ERCC2: variants seen among roughly 807,000 people sequenced by gnomAD.
The protein encoded by ERCC2 is general transcription and DNA repair factor IIH helicase subunit XPD.
In ERCC2, 90 loss-of-function variants were observed where a neutral mutation model predicts 99.4. That is an observed-to-expected ratio of 0.91 (90% CI 0.76 to 1.08). The LOEUF is 1.08. ERCC2 is among the 50% of genes least tolerant of loss of function. The pLI, the probability that ERCC2 is intolerant of heterozygous loss-of-function variation, is 0.00. For synonymous variants in ERCC2, 497 were observed against 432.4 expected, an observed-to-expected ratio of 1.15 and a Z score of -1.85; for missense variants, 993 against 1,038.1, an observed-to-expected ratio of 0.96 and a Z score of 0.60.
chr19:45,357,897 C>G, intron 12 of ERCC2, 198 bp from the exon 13 acceptor site: 1 of 631,684 alleles, frequency 1.6e-6, no homozygotes, highest in Non-Finnish European at 2.9e-6. Flanking sequence ...CTGTCCGCTT[C>G]GGGCCCACAC....
Position 45,353,345 on chromosome 19 carries a change from A to C in ERCC2, c.1666-11T>G. The C allele has an allele frequency of 6.2e-7, 1 of 1,605,926 alleles. No homozygotes were observed. Among genetic ancestry groups the C allele is most frequent in the East Asian group, 2.2e-5 (1 of 44,754 alleles). ...GTTCTCAAGGATCCCCTGGGGAAGGACCCAGGGAGGTCAGGGTGGGTTCAG... is the reference window on the plus strand; with the variant it reads ...GTTCTCAAGGATCCCCTGGGGAAGGCCCCAGGGAGGTCAGGGTGGGTTCAG... On this transcript the variant is annotated splice_polypyrimidine_tract_variant and intron_variant, in intron 17 of 22. Coordinates refer to ENST00000391945, the MANE Select transcript of ERCC2 (RefSeq NM_000400.4).
intron 7 of ERCC2, 129 bp from the exon 8 acceptor site, chr19:45,364,676 C>G (rs1209365271): frequency 2.2e-5 from 32 of 1,434,872 alleles, no homozygotes; most frequent in Non-Finnish European, 3.0e-5. Context: ...GAAGTATGAG[C>G]AGATGGATAG....
chr19:45,369,028 C>A, intron 3 of ERCC2, 36 bp from the exon 4 acceptor site: 1 of 1,614,084 alleles, frequency 6.2e-7, no homozygotes, highest in Non-Finnish European at 8.5e-7. Flanking sequence ...CCTGTCCCGC[C>A]CCTTCCTTTG....
At chr19:45,352,445 G>C in intron 21 of ERCC2, 61 bp downstream of exon 21, 2 of 1,613,922 alleles carry the variant, frequency 1.2e-6, no homozygotes, top group Non-Finnish European at 1.7e-6. Flanking sequence ...GGAAATGAAC[G>C]GGAAACAGCC....
Position 45,351,073 on chromosome 19 carries a change from TGAGGCA to T in ERCC2, c.*550_*555del. The T allele has an allele frequency of 6.2e-7, 1 of 1,613,502 alleles. No homozygotes were observed. The highest frequency in any genetic ancestry group is 8.5e-7 in the Non-Finnish European group (1 of 1,179,744). On this transcript the variant is annotated 3_prime_UTR_variant, in exon 23 of 23. Coordinates refer to ENST00000391945, the MANE Select transcript of ERCC2 (RefSeq NM_000400.4). ...GAGGCCATGTGGGTAGGTGCAGAGA[TGAGGCA>T]AAGGCAGGGCGGTCGGGCCAGTGGT...
chr19:45,365,814 T>C (rs1972407806), intron 5 of ERCC2, among the ~76,000 whole-genome samples: 1 of 151,616 alleles, frequency 6.6e-6, no homozygotes, highest in Non-Finnish European at 1.5e-5. Context: ...GTAGCAAAAT[T>C]GTTACATTCT....
At position 45,350,425 on chromosome 19, in the gene ERCC2, CCT is replaced by C. The variant is rs780855888; in HGVS notation, c.*1202_*1203del. On this transcript the variant is annotated 3_prime_UTR_variant, in exon 23 of 23. Transcript: ENST00000391945. ...CCTCCACAAGGAGGACCTACCCGCCCCTCTCGGTGAGCCCCTAGCCCCTGTCT... is the reference window on the plus strand; with the variant it reads ...CCTCCACAAGGAGGACCTACCCGCCCCTCGGTGAGCCCCTAGCCCCTGTCT... The C allele has an allele frequency of 2.1e-5, 34 of 1,613,596 alleles. No individual in the cohort carries two copies. Among genetic ancestry groups the C allele is most frequent in the South Asian group, 2.1e-4 (19 of 91,042 alleles).
Position 45,363,868 on chromosome 19 carries a change from GC to G in ERCC2, c.992del (p.Gly331AlafsTer3). 6.4e-7 allele frequency: 1 copy of G among 1,552,824 alleles called. No individual in the cohort carries two copies. ...CGTACTCCAGCAGCCGCCTCAGGAA[GC>G]CCAGGAAATGCTCGGCCGTGCGGAT... is the stretch of plus-strand genomic sequence containing the variant. ...GSIRTAEHFL[G>X]FLRRLLEYVK... On this transcript the variant is annotated frameshift_variant, in exon 11 of 23. Coordinates refer to ENST00000391945, the MANE Select transcript of ERCC2 (RefSeq NM_000400.4). LOFTEE classifies it high-confidence loss of function.
At chr19:45,358,862 A>G (rs1367284432) in intron 12 of ERCC2, 1 of 780,856 alleles carries the variant, frequency 1.3e-6, no homozygotes, top group South Asian at 1.3e-5. Flanking sequence ...CTGGGGGGTT[A>G]GGGATGAGAT....
chr19:45,363,113 A>C (rs1244360060), intron 11 of ERCC2, among the ~76,000 whole-genome samples: 2 of 152,188 alleles, frequency 1.3e-5, no homozygotes, highest in Non-Finnish European at 2.9e-5. Flanking sequence ...CAGTTCAAAG[A>C]AGACCCATGA....
intron 22 of ERCC2, 75 bp downstream of exon 22, chr19:45,352,134 G>A: frequency 6.6e-7 from 1 of 1,522,194 alleles, no homozygotes; most frequent in South Asian, 1.1e-5. Flanking sequence ...GGTGGGGAGT[G>A]GGGAGAATCC....
At position 45,350,585 on chromosome 19, in the gene ERCC2, G is replaced by A. The variant is rs756994856; in HGVS notation, c.*1044C>T. 2 of 1,613,840 alleles carry A rather than the reference G, an allele frequency of 1.2e-6. No homozygotes were observed. The highest frequency in any genetic ancestry group is 2.2e-5 in the East Asian group (1 of 44,836). ...GGGCTGTGCTTCGGCTCCTGGGGTG[G>A]GCGTGGGGACTGCATGGGCCTGGGG... is the stretch of plus-strand genomic sequence containing the variant. On this transcript the variant is annotated 3_prime_UTR_variant, in exon 23 of 23. Coordinates refer to ENST00000391945, the MANE Select transcript of ERCC2 (RefSeq NM_000400.4).
chr19:45,368,851 TGGTGAC>T, intron 4 of ERCC2, 73 bp downstream of exon 4: 4 of 1,581,308 alleles, frequency 2.5e-6, no homozygotes. Flanking sequence ...CCCCGAAAGC[TGGTGAC>T]GGCCACCGCC....
At position 45,368,692 on chromosome 19, in the gene ERCC2, C is replaced by T. The variant is rs964247601; in HGVS notation, c.298G>A (p.Glu100Lys). 6.8e-6 allele frequency: 11 copies of T among 1,614,132 alleles called. No homozygotes were observed. Among genetic ancestry groups the T allele is most frequent in the Admixed American group, 1.7e-5 (1 of 60,006 alleles). Reference protein sequence around the residue: ...LLNFYEKQEGEKLPFLGLALS... With the variant: ...LLNFYEKQEGKKLPFLGLALS... ...GCCAGTCCCAGAAACGGCAGCTTCT[C>T]GCCCTCCTGCTTCTCATAGAAGTTG... The change falls in exon 5 of 23, where the codon GAG (glutamate) becomes AAG (lysine). Residue 100 changes from glutamate to lysine, a missense_variant. By Grantham distance (56) the Glu-to-Lys change is moderately conservative. This residue lies in a region of ERCC2 where 909 missense variants were observed against 930.8 expected (regional missense o/e 0.98). Coordinates refer to ENST00000391945, the MANE Select transcript of ERCC2 (RefSeq NM_000400.4).
rs1211028121 is a variant in ERCC2, at chr19:45,350,807, A to ACC, written c.*820_*821dup. On this transcript the variant is annotated 3_prime_UTR_variant, in exon 23 of 23. Transcript: ENST00000391945. ...ATCAGCAGAATCCACAGCCCACCCC[A>ACC]CCCCCACCCCCATCTTGCTCAAGAA... The ACC allele has an allele frequency of 4.7e-5, 25 of 536,048 alleles. No individual in the cohort carries two copies. In the African/African-American group the frequency reaches 6.0e-4, roughly 13 times the overall value. 33.2% of individuals were successfully genotyped at this position (536,048 alleles called of 1,614,324 possible).
intron 11 of ERCC2, among the ~76,000 whole-genome samples, chr19:45,362,660 A>G (rs540441759): frequency 1.4e-4 from 22 of 152,342 alleles, no homozygotes; most frequent in African/African-American, 5.1e-4. Context: ...CCACTGGGCC[A>G]TGGAGCCTCT....
rs750251818 is a variant in ERCC2, at chr19:45,351,694, T to G, written c.2218A>C (p.Ser740Arg). The G allele has an allele frequency of 9.9e-6, 16 of 1,613,900 alleles. No homozygotes were observed. In the South Asian group the frequency reaches 1.6e-4, roughly 17 times the overall value. Residue 740 changes from serine (S) to arginine (R), a missense_variant, in exon 23 of 23, where the codon AGC becomes CGC. Physicochemically the swap from Ser to Arg is moderately radical, Grantham distance 110. This residue lies in a region of ERCC2 where 909 missense variants were observed against 930.8 expected (regional missense o/e 0.98). Transcript: ENST00000391945. Reference protein sequence around the residue: ...REDQLGLSLLSLEQLESEETL... With the variant: ...REDQLGLSLLRLEQLESEETL... ...TCCTCTGATTCTAGCTGCTCCAGGC[T>G]GAGCAGGGACAGGCCCAGCTGATCC...
In ERCC2 at chr19:45,365,063, C is replaced by G. The variant is rs1192469286; in HGVS notation, c.456G>C (p.Leu152=). Residue 152 remains leucine (L), a synonymous_variant, in exon 6 of 23, where the codon CTG becomes CTC. Transcript: ENST00000391945. The part of the protein sequence containing the change: ...VRAQYQHDTS[L]PHCRFYEEFD... The stretch of plus-strand genomic sequence containing the variant: ...TAACCTCATAGAATCGGCAGTGGGG[C>G]AGGCTGGTGTCATGCTGGTACTGCG... The G allele has an allele frequency of 6.2e-7, 1 of 1,614,086 alleles. No individual in the cohort carries two copies. The highest frequency in any genetic ancestry group is 8.5e-7 in the Non-Finnish European group (1 of 1,179,926).
intron 17 of ERCC2, among the ~76,000 whole-genome samples, chr19:45,353,930 C>T (rs979154873): frequency 5.3e-5 from 8 of 152,218 alleles, no homozygotes; most frequent in Non-Finnish European, 1.2e-4. Flanking sequence ...CTCTCTATGA[C>T]CTTGGGGTAG....
Sources: gnomAD v4.1 joint callset for allele counts (sites outside exome capture counted in the v4.1 genomes callset) on GRCh38, gnomAD v4.1.1 for gene constraint, gnomAD v4.1.1 regional missense constraint, MANE v1.5 for transcripts, NCBI Gene and HGNC (gene_info 2026-07-23, HGNC 2026-07-21) for gene names.